The following ERC1 variants were observed in gnomAD, a reference collection of about 807,000 sequenced individuals.
The protein encoded by ERC1 is ELKS/RAB6-interacting/CAST family member 1, also known as RAB6 interacting protein 2.
Under a neutral mutation model 132.0 loss-of-function variants are expected in ERC1, and 56 were observed. That is an observed-to-expected ratio of 0.42 (90% confidence interval 0.34 to 0.53). The LOEUF is 0.53. Among genes scored for constraint, ERC1 ranks in the 20% least tolerant of loss-of-function variants. The pLI is 0.03. For missense variants in ERC1, 1,202 were observed against 1,349.9 expected, an observed-to-expected ratio of 0.89 and a Z score of 1.72; for synonymous variants, 478 against 476.1, an observed-to-expected ratio of 1.00 and a Z score of -0.05.
chr12:1,009,238 T>A (rs1253049730), intron 1 of ERC1, among the ~76,000 whole-genome samples: 23 of 151,518 alleles, frequency 1.5e-4, no homozygotes, highest in Non-Finnish European at 4.4e-5. Context: ...GCAGCGGCAC[T>A]ATCTCGGCTC....
chr12:1,067,095 TCTGTGCCCGGCCAAAACA>T (rs1421815569), intron 2 of ERC1, among the ~76,000 whole-genome samples: 3 of 152,152 alleles, frequency 2.0e-5, no homozygotes, highest in African/African-American at 4.8e-5. Flanking sequence ...GGTGTGAGCC[TCTGTGCCCGGCCAAAACA>T]TAAGTTTTAT....
intron 17 of ERC1, among the ~76,000 whole-genome samples, chr12:1,436,640 G>A (rs2154406254): frequency 6.7e-6 from 1 of 150,358 alleles, no homozygotes; most frequent in African/African-American, 2.5e-5. Context: ...AAAAGGTGGT[G>A]TCGTGCTTGA....
intron 12 of ERC1, among the ~76,000 whole-genome samples, chr12:1,211,046 A>T (rs980736950): frequency 2.0e-5 from 3 of 152,020 alleles, no homozygotes; most frequent in Non-Finnish European, 4.4e-5. Flanking sequence ...AATGTTTGTT[A>T]TTGTAAGTTT....
At chr12:1,117,839 A>T (rs1357712558) in intron 7 of ERC1, among the ~76,000 whole-genome samples, 4 of 152,226 alleles carry the variant, frequency 2.6e-5, no homozygotes, top group Admixed American at 1.3e-4. Context: ...TACTTTTATT[A>T]AGCTAAACTT....
chr12:1,072,929 A>G (rs954271955), intron 2 of ERC1, among the ~76,000 whole-genome samples: 3 of 152,068 alleles, frequency 2.0e-5, no homozygotes, highest in African/African-American at 4.8e-5. Context: ...CTGACCTCAC[A>G]TGATCTGCGT....
intron 15 of ERC1, among the ~76,000 whole-genome samples, chr12:1,315,808 A>G (rs1260138907): frequency 1.3e-5 from 2 of 152,218 alleles, no homozygotes; most frequent in Non-Finnish European, 2.9e-5. Flanking sequence ...AAGACAGTGA[A>G]GTGAATCATG....
intron 17 of ERC1, 79 bp from the exon 18 acceptor site, chr12:1,444,483 A>G (rs2093247637): frequency 1.0e-6 from 1 of 983,124 alleles, no homozygotes; most frequent in Non-Finnish European, 1.5e-6. Context: ...GAAAGCATAA[A>G]GAATATTTGA....
At chr12:1,002,303 A>G (rs1373509050) in intron 1 of ERC1, among the ~76,000 whole-genome samples, 1 of 148,624 alleles carries the variant, frequency 6.7e-6, no homozygotes, top group Non-Finnish European at 1.5e-5. Context: ...CCTCCCAAGT[A>G]ACTGGGACTA....
At chr12:1,204,376 A>T in intron 12 of ERC1, 5 of 664,362 alleles carry the variant, frequency 7.5e-6, no homozygotes, top group Non-Finnish European at 1.3e-5. Context: ...AGAATTTGTG[A>T]CTCCTTCCCT....
intron 17 of ERC1, among the ~76,000 whole-genome samples, chr12:1,416,122 G>A (rs2092107975): frequency 6.6e-6 from 1 of 152,208 alleles, no homozygotes; most frequent in African/African-American, 2.4e-5. Flanking sequence ...ATGGAAGGGT[G>A]TTGAATTGAA....
chr12:1,455,476 G>A (rs1160344402), intron 18 of ERC1, among the ~76,000 whole-genome samples: 4 of 152,110 alleles, frequency 2.6e-5, no homozygotes, highest in Admixed American at 6.6e-5. Context: ...CAGAATCGCC[G>A]ATCACTGAAA....
intron 14 of ERC1, among the ~76,000 whole-genome samples, chr12:1,279,107 C>G (rs1057178296): frequency 2.0e-5 from 3 of 152,090 alleles, no homozygotes; most frequent in Admixed American, 1.3e-4. Flanking sequence ...AGCTAAAGAT[C>G]TTTAGATTCA....
At chr12:1,189,231 T>C (rs183995452) in intron 11 of ERC1, among the ~76,000 whole-genome samples, 1 of 152,188 alleles carries the variant, frequency 6.6e-6, no homozygotes, top group African/African-American at 2.4e-5. Context: ...GGTTCTCGAT[T>C]TCTGAATTCA....
intron 13 of ERC1, among the ~76,000 whole-genome samples, chr12:1,248,351 A>G (rs1368352396): frequency 1.3e-5 from 2 of 152,222 alleles, no homozygotes; most frequent in African/African-American, 2.4e-5. Flanking sequence ...GTAAATATCA[A>G]TCAGGGTAAG....
Position 1,101,492 on chromosome 12 carries a change from T to C in ERC1, c.1087-3258T>C, listed in dbSNP as rs74752094. The stretch of plus-strand genomic sequence containing the variant: ...TCTGCCACCCACTGCTGGAATTGTC[T>C]GTAAATATTCATGTCCCGGCTTCTT... On this transcript the variant is annotated intron_variant, in intron 3 of 18. Coordinates refer to ENST00000360905, the MANE Select transcript of ERC1 (RefSeq NM_178040.4). Among the ~76,000 whole-genome samples, 82 of 152,356 alleles carry C rather than the reference T, an allele frequency of 5.4e-4. No individual in the cohort carries two copies. The East Asian group carries it at 0.014, about 26-fold the overall frequency.
At chr12:1,304,976 A>G (rs1466440349) in intron 15 of ERC1, among the ~76,000 whole-genome samples, 6 of 151,060 alleles carry the variant, frequency 4.0e-5, no homozygotes, top group Non-Finnish European at 8.8e-5. Context: ...TTTTTAGTAG[A>G]GACGGGTTTC....
At chr12:1,480,323 A>G (rs1342740925) in intron 18 of ERC1, among the ~76,000 whole-genome samples, 2 of 152,166 alleles carry the variant, frequency 1.3e-5, no homozygotes, top group African/African-American at 4.8e-5. Flanking sequence ...GTTTTTAGAT[A>G]CAAGGTTTTC....
intron 16 of ERC1, among the ~76,000 whole-genome samples, chr12:1,385,634 A>G (rs1401471381): frequency 1.3e-5 from 2 of 152,040 alleles, no homozygotes; most frequent in Non-Finnish European, 2.9e-5. Context: ...ACAGAAGGAA[A>G]CCTGTTTTTA....
chr12:1,214,744 T>TTGC (rs1198634609), intron 12 of ERC1, among the ~76,000 whole-genome samples: 1 of 152,080 alleles, frequency 6.6e-6, no homozygotes, highest in Admixed American at 6.6e-5. Context: ...TAGTAACCTC[T>TTGC]TGCAGTGTGC....
Sources: gnomAD v4.1 joint callset for allele counts (sites outside exome capture counted in the v4.1 genomes callset) on GRCh38, gnomAD v4.1.1 for gene constraint, MANE v1.5 for transcripts, NCBI Gene and HGNC (gene_info 2026-07-23, HGNC 2026-07-21) for gene names.